Variants in RANBP17 observed in about 807,000 individuals in gnomAD.
The protein encoded by RANBP17 is ran-binding protein 17.
Under a neutral mutation model 141.2 loss-of-function variants are expected in RANBP17, and 158 were observed. The ratio of observed to expected loss-of-function variants is 1.12; its 90% CI spans 0.98 to 1.28. The LOEUF is 1.28. Among genes scored for constraint, RANBP17 ranks in the 50% most tolerant of loss-of-function variants. The pLI, the probability that RANBP17 is intolerant of heterozygous loss-of-function variation, is 0.00. For missense variants in RANBP17, 1,438 were observed against 1,290.7 expected (o/e 1.11, Z -1.75); for synonymous variants, 430 against 450.0 (o/e 0.96, Z 0.56).
intron 14 of RANBP17, among the ~76,000 whole-genome samples, chr5:171,091,758 C>T (rs1345114322): frequency 6.6e-6 from 1 of 152,188 alleles, no homozygotes; most frequent in African/African-American, 2.4e-5. Flanking sequence ...AGTTTCCTTA[C>T]ACAAGTTCCT....
chr5:171,292,123 A>G (rs775141715), intron 25 of RANBP17, among the ~76,000 whole-genome samples: 2 of 152,200 alleles, frequency 1.3e-5, no homozygotes, highest in South Asian at 2.1e-4. Flanking sequence ...TTGTGGCTCT[A>G]TGACTTTGGG....
chr5:171,202,186 T>C (rs1266671618), intron 19 of RANBP17, among the ~76,000 whole-genome samples: 1 of 152,172 alleles, frequency 6.6e-6, no homozygotes, highest in Admixed American at 6.5e-5. Flanking sequence ...CTTAATAAAA[T>C]TGAAGAAAAC....
chr5:170,929,330 A>G (rs1184357646), intron 12 of RANBP17, among the ~76,000 whole-genome samples: 1 of 152,074 alleles, frequency 6.6e-6, no homozygotes, highest in African/African-American at 2.4e-5. Flanking sequence ...GAAAGCATTG[A>G]GCATTTTACT....
intron 22 of RANBP17, among the ~76,000 whole-genome samples, chr5:171,234,166 A>G (rs1381929002): frequency 6.6e-6 from 1 of 152,124 alleles, no homozygotes; most frequent in Non-Finnish European, 1.5e-5. Flanking sequence ...TTGAGTAAAG[A>G]CTTCCAGTAA....
chr5:171,081,024 T>G (rs1785232272), intron 14 of RANBP17, among the ~76,000 whole-genome samples: 1 of 152,194 alleles, frequency 6.6e-6, no homozygotes, highest in African/African-American at 2.4e-5. Context: ...TAAGGTAGAT[T>G]ATTTGACCCC....
At chr5:171,003,786 C>T (rs1779387523) in intron 14 of RANBP17, among the ~76,000 whole-genome samples, 1 of 152,272 alleles carries the variant, frequency 6.6e-6, no homozygotes, top group Middle Eastern at 3.4e-3. Flanking sequence ...AGGTAAGCTA[C>T]TGGGACTGAT....
intron 14 of RANBP17, among the ~76,000 whole-genome samples, chr5:171,131,799 T>C (rs1486612547): frequency 1.3e-5 from 2 of 152,240 alleles, no homozygotes; most frequent in Non-Finnish European, 2.9e-5. Context: ...TCACCTGCAC[T>C]GTCAGAGTTT....
chr5:171,048,653 T>C (rs1782751470), intron 14 of RANBP17, among the ~76,000 whole-genome samples: 1 of 152,126 alleles, frequency 6.6e-6, no homozygotes. Flanking sequence ...TCCAGTAGAC[T>C]GTGCTGTCTG....
intron 22 of RANBP17, 76 bp downstream of exon 22, chr5:171,221,916 T>C (rs1763586780): frequency 2.1e-6 from 2 of 966,208 alleles, no homozygotes; most frequent in African/African-American, 3.3e-5. Context: ...TTAGTTATTT[T>C]GTTCTTTTGA....
intron 14 of RANBP17, among the ~76,000 whole-genome samples, chr5:171,012,805 A>G (rs1780146591): frequency 6.6e-6 from 1 of 152,122 alleles, no homozygotes; most frequent in South Asian, 2.1e-4. Flanking sequence ...ATTTTCTTTT[A>G]GTTGAGAAGT....
At chr5:171,289,928 G>T (rs1004219926) in intron 25 of RANBP17, among the ~76,000 whole-genome samples, 3 of 152,132 alleles carry the variant, frequency 2.0e-5, no homozygotes, top group African/African-American at 7.2e-5. Context: ...TACTTGGGAG[G>T]CTGAGAGAGT....
chr5:170,948,887 C>G (rs1774982688), intron 12 of RANBP17, among the ~76,000 whole-genome samples: 1 of 152,070 alleles, frequency 6.6e-6, no homozygotes, highest in African/African-American at 2.4e-5. Flanking sequence ...TGCGGTGGCT[C>G]ATGCCTGTAA....
chr5:171,230,755 CTG>C (rs1764159841), intron 22 of RANBP17, among the ~76,000 whole-genome samples: 1 of 151,938 alleles, frequency 6.6e-6, no homozygotes, highest in Non-Finnish European at 1.5e-5. Flanking sequence ...GAGCAAGACT[CTG>C]TTAAAAAATA....
chr5:170,876,135 C>G (rs1032200365), intron 1 of RANBP17, among the ~76,000 whole-genome samples: 5 of 152,160 alleles, frequency 3.3e-5, no homozygotes, highest in African/African-American at 1.2e-4. Flanking sequence ...TCTGGGATCT[C>G]TGTCCTCGAG....
intron 5 of RANBP17, among the ~76,000 whole-genome samples, chr5:170,904,980 C>T (rs780840785): frequency 6.6e-6 from 1 of 152,044 alleles, no homozygotes; most frequent in Admixed American, 6.6e-5. Context: ...CTTGTTTTCT[C>T]AAAAGAATTC....
chr5:170,919,707 G>C, intron 11 of RANBP17, 94 bp downstream of exon 11: 1 of 909,754 alleles, frequency 1.1e-6, no homozygotes, highest in Non-Finnish European at 1.6e-6. Flanking sequence ...CCCTTTTAGC[G>C]TACAGTTGTA....
intron 12 of RANBP17, 30 bp from the exon 13 acceptor site, chr5:170,953,567 T>C: frequency 6.8e-7 from 1 of 1,461,450 alleles, no homozygotes; most frequent in Non-Finnish European, 9.5e-7. Flanking sequence ...GAATACTTAC[T>C]AAACTTTTTT....
At chr5:170,881,692 T>G in intron 2 of RANBP17, 114 bp from the exon 3 acceptor site, 1 of 631,538 alleles carries the variant, frequency 1.6e-6, no homozygotes, top group Non-Finnish European at 2.6e-6. Flanking sequence ...TATTGTAAAT[T>G]TGCCAGTTTG....
intron 25 of RANBP17, among the ~76,000 whole-genome samples, chr5:171,280,252 T>C (rs942617697): frequency 1.3e-5 from 2 of 152,060 alleles, no homozygotes; most frequent in Non-Finnish European, 2.9e-5. Flanking sequence ...TCATGGAAAG[T>C]TGTTTTTTGG....
Sources: allele counts gnomAD v4.1 joint callset (sites outside exome capture counted in the v4.1 genomes callset), GRCh38; gene constraint gnomAD v4.1.1; transcripts MANE v1.5; gene names NCBI Gene and HGNC (gene_info 2026-07-23, HGNC 2026-07-21).